The following SLC71A2 variants were observed in gnomAD, a reference collection of about 807,000 sequenced individuals.
SLC71A2 encodes hippocampus abundant transcript-like 1.
chr9:94,420,001 G>A, the SLC71A2 span, among the ~76,000 whole-genome samples: 55 of 152,254 alleles, frequency 3.6e-4, no homozygotes, highest in African/African-American at 1.3e-3. Context: ...ATCTGTATGT[G>A]AGCTGGAAGT....
At chr9:94,447,580 C>T in the SLC71A2 span, among the ~76,000 whole-genome samples, 1 of 151,726 alleles carries the variant, frequency 6.6e-6, no homozygotes, top group Non-Finnish European at 1.5e-5. Flanking sequence ...CATATATCCC[C>T]TATCCCCATA....
chr9:94,407,900 C>G, the SLC71A2 span, among the ~76,000 whole-genome samples: 5 of 152,214 alleles, frequency 3.3e-5, no homozygotes, highest in Non-Finnish European at 7.3e-5. Context: ...CCATCTTCAT[C>G]TTGCTCCATT....
the SLC71A2 span, among the ~76,000 whole-genome samples, chr9:94,378,485 G>A: frequency 1.3e-5 from 2 of 152,028 alleles, no homozygotes; most frequent in African/African-American, 4.8e-5. Context: ...AAAATTAGCC[G>A]GGTGTGATGG....
At chr9:94,420,744 T>G in the SLC71A2 span, among the ~76,000 whole-genome samples, 2 of 151,390 alleles carry the variant, frequency 1.3e-5, no homozygotes, top group Non-Finnish European at 2.9e-5. Flanking sequence ...ACTAAAGATA[T>G]AAAAAGTAGC....
chr9:94,456,467 A>T, the SLC71A2 span: 7 of 641,660 alleles, frequency 1.1e-5, no homozygotes. Context: ...TATCATACCT[A>T]TTTACTTTGG....
At chr9:94,440,626 CA>C in the SLC71A2 span, among the ~76,000 whole-genome samples, 1 of 151,656 alleles carries the variant, frequency 6.6e-6, no homozygotes, top group East Asian at 1.9e-4. Flanking sequence ...TAGATCTTTT[CA>C]AATCATTTGT....
chr9:94,385,062 C>G, the SLC71A2 span, among the ~76,000 whole-genome samples: 1 of 151,858 alleles, frequency 6.6e-6, no homozygotes, highest in African/African-American at 2.4e-5. Context: ...GAACTGTGAG[C>G]CAGTAAATTT....
chr9:94,432,909 C>T, the SLC71A2 span: 1 of 394,250 alleles, frequency 2.5e-6, no homozygotes, highest in Non-Finnish European at 5.1e-6. Context: ...AGAGGATGCT[C>T]ATACATCTTG....
At chr9:94,377,533 CTTTT>C in the SLC71A2 span, among the ~76,000 whole-genome samples, 15 of 107,750 alleles carry the variant, frequency 1.4e-4, no homozygotes, top group South Asian at 9.8e-4. Context: ...CCATGCCTGG[CTTTT>C]TTTTTTTTTT....
chr9:94,424,469 A>T, the SLC71A2 span, among the ~76,000 whole-genome samples: 2 of 151,912 alleles, frequency 1.3e-5, no homozygotes, highest in African/African-American at 4.8e-5. Context: ...TCCTGACCTC[A>T]GGTTATCTGC....
the SLC71A2 span, among the ~76,000 whole-genome samples, chr9:94,440,315 G>A: frequency 3.3e-5 from 5 of 151,986 alleles, no homozygotes; most frequent in East Asian, 1.9e-4. Flanking sequence ...CACCACGCCC[G>A]GCTAAGTTTT....
At chr9:94,393,341 T>TAG in the SLC71A2 span, among the ~76,000 whole-genome samples, 394 of 49,950 alleles carry the variant, frequency 7.9e-3, no homozygotes, top group African/African-American at 0.026. Context: ...AGTAGCAGGT[T>TAG]AGAACTCCTT....
the SLC71A2 span, among the ~76,000 whole-genome samples, chr9:94,453,088 T>G: frequency 6.6e-6 from 1 of 152,096 alleles, no homozygotes; most frequent in Non-Finnish European, 1.5e-5. Context: ...ATGTAAATTA[T>G]GTTAACCTTT....
the SLC71A2 span, among the ~76,000 whole-genome samples, chr9:94,400,265 A>G: frequency 1.3e-5 from 2 of 152,180 alleles, no homozygotes; most frequent in Admixed American, 6.6e-5. Context: ...TAGGAAAAGG[A>G]TAAGGAAGCA....
chr9:94,408,367 G>A, the SLC71A2 span, among the ~76,000 whole-genome samples: 1 of 152,140 alleles, frequency 6.6e-6, no homozygotes, highest in African/African-American at 2.4e-5. Context: ...GCATCCACTA[G>A]GGATCTTGGA....
At chr9:94,449,967 C>T in the SLC71A2 span, among the ~76,000 whole-genome samples, 2 of 152,190 alleles carry the variant, frequency 1.3e-5, no homozygotes, top group Non-Finnish European at 2.9e-5. Context: ...TCACAAAGTA[C>T]TGCACATTGT....
At chr9:94,435,802 G>A in the SLC71A2 span, among the ~76,000 whole-genome samples, 7 of 151,698 alleles carry the variant, frequency 4.6e-5, no homozygotes, top group Non-Finnish European at 1.0e-4. Context: ...TTAGAGGTGC[G>A]CACCACCATG....
chr9:94,379,882 C>A, the SLC71A2 span, among the ~76,000 whole-genome samples: 1 of 152,152 alleles, frequency 6.6e-6, no homozygotes, highest in Admixed American at 6.6e-5. Context: ...CTCTACGTAA[C>A]AGGAATACAT....
chr9:94,460,732 A>T, the SLC71A2 span: 5 of 152,526 alleles, frequency 3.3e-5, no homozygotes, highest in Admixed American at 1.3e-4. Flanking sequence ...TATAAATGTA[A>T]TGAAGGTATT....
Sources: allele counts gnomAD v4.1 joint callset (sites outside exome capture counted in the v4.1 genomes callset), GRCh38; gene constraint gnomAD v4.1.1; transcripts MANE v1.5; gene names NCBI Gene and HGNC (gene_info 2026-07-23, HGNC 2026-07-21).